TTC28: variants seen among roughly 807,000 people sequenced by gnomAD.
The protein encoded by TTC28 is tetratricopeptide repeat domain 28.
Under a neutral mutation model 198.0 loss-of-function variants are expected in TTC28, and 61 were observed. That is an observed-to-expected ratio of 0.31 (90% confidence interval 0.25 to 0.38). The LOEUF (loss-of-function observed/expected upper bound fraction) is 0.38, where lower values mean the gene tolerates loss of function less well. TTC28 is among the 10% of genes least tolerant of loss of function. The pLI, the probability that TTC28 is intolerant of heterozygous loss-of-function variation, is 1.00. For synonymous variants in TTC28, 1,171 were observed against 1,297.8 expected (o/e 0.90, Z 2.10); for missense variants, 2,678 against 3,164.0 (o/e 0.85, Z 3.69).
At position 28,281,008 on chromosome 22, in the gene TTC28, G is replaced by C. The variant is rs947533996; in HGVS notation, c.933+15190C>G. 2.0e-5 allele frequency among the ~76,000 whole-genome samples: 3 copies of C among 151,632 alleles called. 1 individual carries two copies. The highest frequency in any genetic ancestry group is 4.4e-5 in the Non-Finnish European group (3 of 67,884). ...TCTATCTAATGTGTCATTTTTCTCTGGTTGCTTTCAAGATTTTCTCTTTAT... is the reference window on the plus strand; with the variant it reads ...TCTATCTAATGTGTCATTTTTCTCTCGTTGCTTTCAAGATTTTCTCTTTAT... On this transcript the variant is annotated intron_variant, in intron 5 of 22. Coordinates refer to ENST00000397906, the MANE Select transcript of TTC28 (RefSeq NM_001145418.2).
chr22:28,500,781 C>T (rs377258073), intron 2 of TTC28, among the ~76,000 whole-genome samples: 4 of 152,180 alleles, frequency 2.6e-5, no homozygotes, highest in East Asian at 1.9e-4. Context: ...TCCTGACAAA[C>T]CGAGTTTCAT....
chr22:28,123,082 T>C (rs1942827989), intron 6 of TTC28, among the ~76,000 whole-genome samples: 1 of 152,166 alleles, frequency 6.6e-6, no homozygotes, highest in Non-Finnish European at 1.5e-5. Context: ...AAACTTCTCT[T>C]GGCAGCAAAA....
chr22:28,580,247 AAT>A (rs1321631167), intron 2 of TTC28, among the ~76,000 whole-genome samples: 2 of 152,124 alleles, frequency 1.3e-5, no homozygotes, highest in African/African-American at 4.8e-5. Context: ...TGTGTCTTAT[AAT>A]ATGATTCTTC....
Position 28,598,509 on chromosome 22 carries a change from C to CAAAAA in TTC28, c.381+31038_381+31042dup, listed in dbSNP as rs36035176. 4.0e-4 allele frequency among the ~76,000 whole-genome samples: 21 copies of CAAAAA among 52,666 alleles called. 1 individual carries two copies. Among genetic ancestry groups the CAAAAA allele is most frequent in the Non-Finnish European group, 5.2e-4 (16 of 30,818 alleles). 34.6% of individuals were successfully genotyped at this position (52,666 alleles called of 152,430 possible). On this transcript the variant is annotated intron_variant, in intron 2 of 22. Coordinates refer to ENST00000397906, the MANE Select transcript of TTC28 (RefSeq NM_001145418.2). Reference sequence around the variant, plus strand: ...GGGCAACAGAGCGAGACTACGTCTCCAAAAAAAAAAAAAAAAAAAAAAAAA... The same window carrying CAAAAA: ...GGGCAACAGAGCGAGACTACGTCTCCAAAAAAAAAAAAAAAAAAAAAAAAAAAAAA...
At chr22:28,156,230 C>A (rs2147033161) in intron 6 of TTC28, among the ~76,000 whole-genome samples, 1 of 152,250 alleles carries the variant, frequency 6.6e-6, no homozygotes, top group Non-Finnish European at 1.5e-5. Context: ...TATCCTAGAC[C>A]ATCCAGGTGG....
chr22:28,085,523 G>C (rs569817420), intron 12 of TTC28, among the ~76,000 whole-genome samples: 1 of 152,282 alleles, frequency 6.6e-6, no homozygotes, highest in East Asian at 1.9e-4. Flanking sequence ...ACTAAACATG[G>C]AAAGGAACAA....
In TTC28 at chr22:28,243,639, T is replaced by C. The variant is rs116961746; in HGVS notation, c.933+52559A>G. Among the ~76,000 whole-genome samples the C allele has an allele frequency of 3.6e-3, 554 of 152,206 alleles. 10 individuals are homozygous for C. The East Asian group carries it at 0.053, about 15-fold the overall frequency. ...GCGAAATTCTTAAGAGTTTGAGGCT[T>C]GAGTTTTAGAGAACGTGGATTAGAT... On this transcript the variant is annotated intron_variant, in intron 5 of 22. Transcript: ENST00000397906.
At chr22:27,988,159 CT>C (rs1006111416) in intron 21 of TTC28, among the ~76,000 whole-genome samples, 31 of 152,270 alleles carry the variant, frequency 2.0e-4, no homozygotes, top group Admixed American at 1.2e-3. Context: ...TAGCTCCCCA[CT>C]TTACCTTCAC....
chr22:28,208,569 A>T (rs530927482), intron 5 of TTC28, among the ~76,000 whole-genome samples: 1 of 152,318 alleles, frequency 6.6e-6, no homozygotes, highest in South Asian at 2.1e-4. Context: ...ACATTCACAT[A>T]TGACCATATC....
intron 2 of TTC28, among the ~76,000 whole-genome samples, chr22:28,425,447 T>A (rs1449971044): frequency 1.3e-5 from 2 of 152,060 alleles, no homozygotes; most frequent in Non-Finnish European, 2.9e-5. Flanking sequence ...CCTTCAGGGG[T>A]TTAAGATCAA....
intron 2 of TTC28, among the ~76,000 whole-genome samples, chr22:28,599,364 C>T (rs2050600591): frequency 6.6e-6 from 1 of 152,224 alleles, no homozygotes; most frequent in Non-Finnish European, 1.5e-5. Context: ...TTTAATCCCT[C>T]CCCCATCTGA....
intron 2 of TTC28, among the ~76,000 whole-genome samples, chr22:28,577,890 T>C (rs1293435015): frequency 1.3e-5 from 2 of 152,176 alleles, no homozygotes; most frequent in Non-Finnish European, 2.9e-5. Flanking sequence ...AGGTAACAGA[T>C]GATGGTGTCT....
chr22:28,001,766 G>A, intron 14 of TTC28: 1 of 590,020 alleles, frequency 1.7e-6, no homozygotes. Context: ...GGGCTGGCCT[G>A]GCAGCATCCA....
At chr22:28,206,062 C>G (rs780046793) in intron 5 of TTC28, among the ~76,000 whole-genome samples, 4 of 151,586 alleles carry the variant, frequency 2.6e-5, no homozygotes, top group Non-Finnish European at 4.4e-5. Context: ...GCAGCTAAAG[C>G]AAAACATTAA....
In TTC28 at chr22:28,205,652, T is replaced by C. The variant is rs1282199522; in HGVS notation, c.934-42053A>G. The stretch of plus-strand genomic sequence containing the variant: ...GTCAAATGAACAACAGAATTAAACA[T>C]TTGATGGGATAAATATATATAAATT... On this transcript the variant is annotated intron_variant, in intron 5 of 22. Transcript: ENST00000397906. Among the ~76,000 whole-genome samples the C allele has an allele frequency of 2.0e-5, 3 of 152,070 alleles. No homozygotes were observed. In the East Asian group the frequency reaches 5.8e-4, roughly 29 times the overall value.
chr22:27,990,090 C>CA (rs1298204295), intron 20 of TTC28, 83 bp from the exon 21 acceptor site: 2 of 1,483,362 alleles, frequency 1.3e-6, no homozygotes, highest in African/African-American at 2.8e-5. Flanking sequence ...ATTCTTATGT[C>CA]ACCTGTCACT....
intron 5 of TTC28, among the ~76,000 whole-genome samples, chr22:28,267,154 C>T (rs1452602769): frequency 1.3e-5 from 2 of 152,274 alleles, no homozygotes; most frequent in East Asian, 3.9e-4. Flanking sequence ...TATTGTACTA[C>T]ACACTGGGCC....
chr22:28,065,602 C>T (rs1244720747), intron 12 of TTC28, among the ~76,000 whole-genome samples: 2 of 152,214 alleles, frequency 1.3e-5, no homozygotes, highest in African/African-American at 4.8e-5. Flanking sequence ...GACAGCTCTG[C>T]TGCTGCAATA....
intron 5 of TTC28, among the ~76,000 whole-genome samples, chr22:28,231,617 A>C (rs556990596): frequency 5.3e-5 from 8 of 152,224 alleles, no homozygotes; most frequent in Non-Finnish European, 1.2e-4. Flanking sequence ...GTGGAATGTT[A>C]GCAGTTTACA....
Sources: allele counts gnomAD v4.1 joint callset (sites outside exome capture counted in the v4.1 genomes callset), GRCh38; gene constraint gnomAD v4.1.1; transcripts MANE v1.5; gene names NCBI Gene and HGNC (gene_info 2026-07-23, HGNC 2026-07-21).